NNT: variants seen among roughly 807,000 people sequenced by gnomAD.
NNT encodes the protein NAD(P) transhydrogenase, mitochondrial.
A neutral mutation model predicts 104.8 loss-of-function variants in NNT; 50 were observed. The observed-to-expected ratio is 0.48, with a 90% CI of 0.38 to 0.60. The LOEUF is 0.60. NNT is among the 20% of genes least tolerant of loss of function. NNT has a pLI of 0.00. For synonymous variants in NNT, 461 were observed against 490.4 expected (o/e 0.94, Z 0.79); for missense variants, 1,131 against 1,330.7 (o/e 0.85, Z 2.33).
chr5:43,654,223 G>A (rs1386542608), intron 14 of NNT, among the ~76,000 whole-genome samples: 3 of 152,152 alleles, frequency 2.0e-5, no homozygotes, highest in Non-Finnish European at 4.4e-5. Context: ...ACATCACATT[G>A]GTAGATTGAA....
chr5:43,606,539 A>G (rs1469674717), intron 1 of NNT, among the ~76,000 whole-genome samples: 1 of 152,222 alleles, frequency 6.6e-6, no homozygotes, highest in East Asian at 1.9e-4. Flanking sequence ...AACACTTTGA[A>G]CATGTAAAGC....
At position 43,679,067 on chromosome 5, in the gene NNT, G is replaced by C. The variant is rs1741569777; in HGVS notation, c.2876+1261G>C. On this transcript the variant is annotated intron_variant, in intron 19 of 21. Transcript: ENST00000344920. ...GAATTGAAGGTAGAAGATGAGAAAA[G>C]TCATTGACTTTATTTTTAAATTTTT... 2.0e-5 allele frequency among the ~76,000 whole-genome samples: 3 copies of C among 152,254 alleles called. No homozygotes were observed. The South Asian group carries it at 6.2e-4, about 32-fold the overall frequency.
At chr5:43,645,272 G>T (rs888987524) in intron 9 of NNT, 85 bp from the exon 10 acceptor site, 2 of 707,900 alleles carry the variant, frequency 2.8e-6, no homozygotes, top group Non-Finnish European at 4.1e-6. Context: ...AAAAGAACAG[G>T]GTTTTAAAAA....
rs1198240667 is a variant in NNT, at chr5:43,653,024, T to A, written c.1870T>A (p.Tyr624Asn). 1.9e-6 allele frequency: 3 copies of A among 1,611,456 alleles called. No individual in the cohort carries two copies. Among genetic ancestry groups the A allele is most frequent in the Non-Finnish European group, 2.5e-6 (3 of 1,178,352 alleles). ...YSGYNIEQIM[Y>N]LGSGLCCVGA... ...TCACTTTTCCTTTGAAAAGATCATG[T>A]ACCTAGGCTCGGGTTTGTGCTGTGT... Residue 624 changes from tyrosine to asparagine, a missense_variant, in exon 14 of 22, where the codon TAC becomes AAC. Tyr to Asn is a moderately radical substitution (Grantham distance 143, BLOSUM62 -2). Coordinates refer to ENST00000344920, the MANE Select transcript of NNT (RefSeq NM_182977.3).
rs1245633299 is a variant in NNT at position 43,707,301 on chromosome 5, G to T, written c.*2897G>T. On this transcript the variant is annotated 3_prime_UTR_variant, in exon 22 of 22. Coordinates refer to ENST00000344920, the MANE Select transcript of NNT (RefSeq NM_182977.3). ...ACCACAAAAGTGATAACTAATTGAG[G>T]TAATGCACATATTAATTAGAAAGAT... is the stretch of plus-strand genomic sequence containing the variant. 6.6e-6 allele frequency: 1 copy of T among 151,854 alleles called. No individual in the cohort carries two copies. The highest frequency in any genetic ancestry group is 2.4e-5 in the African/African-American group (1 of 41,332). 9.4% of individuals were successfully genotyped at this position (151,854 alleles called of 1,614,324 possible).
At chr5:43,681,811 C>T (rs1479309875) in intron 19 of NNT, among the ~76,000 whole-genome samples, 1 of 152,144 alleles carries the variant, frequency 6.6e-6, no homozygotes, top group Non-Finnish European at 1.5e-5. Context: ...ACTGAGCATA[C>T]AAGGATGCGT....
At chr5:43,693,000 A>T (rs563360367) in intron 19 of NNT, among the ~76,000 whole-genome samples, 4 of 152,060 alleles carry the variant, frequency 2.6e-5, no homozygotes, top group African/African-American at 4.8e-5. Context: ...TCCTCTTTTT[A>T]AAAAAATTTG....
chr5:43,675,401 G>C, intron 17 of NNT, 110 bp from the exon 18 acceptor site: 1 of 970,930 alleles, frequency 1.0e-6, no homozygotes, highest in Admixed American at 3.3e-5. Flanking sequence ...TGTTTTAAAT[G>C]ATCAAATAAA....
At chr5:43,629,952 A>T (rs1328154351) in intron 7 of NNT, among the ~76,000 whole-genome samples, 2 of 151,924 alleles carry the variant, frequency 1.3e-5, no homozygotes, top group Non-Finnish European at 2.9e-5. Flanking sequence ...TATTTCTTTT[A>T]CTGTGCAAAA....
intron 7 of NNT, among the ~76,000 whole-genome samples, chr5:43,631,523 G>C (rs1022227219): frequency 6.6e-6 from 1 of 152,146 alleles, no homozygotes; most frequent in Non-Finnish European, 1.5e-5. Context: ...CCAGTAGAGG[G>C]TGCTAAAACA....
intron 5 of NNT, among the ~76,000 whole-genome samples, chr5:43,620,965 A>C (rs1750055779): frequency 6.6e-6 from 1 of 152,240 alleles, no homozygotes; most frequent in Non-Finnish European, 1.5e-5. Flanking sequence ...TCAGCCTTTA[A>C]AAGGTGGAAA....
At chr5:43,656,913 A>G (rs1740085420) in intron 16 of NNT, 100 bp downstream of exon 16, 2 of 1,167,382 alleles carry the variant, frequency 1.7e-6, no homozygotes, top group East Asian at 2.4e-5. Flanking sequence ...AAGAACCTTG[A>G]TGGAATAAAA....
Position 43,625,772 on chromosome 5 carries a change from C to G in NNT, c.776+1652C>G, listed in dbSNP as rs566678653. Among the ~76,000 whole-genome samples the G allele has an allele frequency of 5.3e-5, 8 of 152,190 alleles. No individual in the cohort carries two copies. The East Asian group carries it at 1.5e-3, about 29-fold the overall frequency. Reference sequence around the variant, plus strand: ...ATAAAATCCTTGCTTTCTTTCCTATCATAAAATAGTACATGATTATTCTTC... The same window carrying G: ...ATAAAATCCTTGCTTTCTTTCCTATGATAAAATAGTACATGATTATTCTTC... On this transcript the variant is annotated intron_variant, in intron 6 of 21. Coordinates refer to ENST00000344920, the MANE Select transcript of NNT (RefSeq NM_182977.3).
intron 3 of NNT, 57 bp downstream of exon 3, chr5:43,613,194 C>A: frequency 7.3e-7 from 1 of 1,364,662 alleles, no homozygotes; most frequent in South Asian, 1.3e-5. Flanking sequence ...GAAATCTTTT[C>A]ATAGAAAAAT....
chr5:43,666,881 G>A lies in NNT; in HGVS notation c.2634+7531G>A. The A allele has an allele frequency of 1.0e-5, 16 of 1,538,318 alleles. 1 individual carries two copies. The South Asian group carries it at 1.1e-4, about 11-fold the overall frequency. ...TTGGCCTTGGCCTTTGGCCAGCACA[G>A]CCTGGGCCCCTTGGCAATACAGGCA... On this transcript the variant is annotated intron_variant, in intron 17 of 21. Coordinates refer to ENST00000344920, the MANE Select transcript of NNT (RefSeq NM_182977.3).
At chr5:43,652,404 G>T (rs1223419986) in intron 13 of NNT, among the ~76,000 whole-genome samples, 1 of 152,108 alleles carries the variant, frequency 6.6e-6, no homozygotes, top group African/African-American at 2.4e-5. Flanking sequence ...GACTTTGAAA[G>T]TTCCAACTTG....
At chr5:43,634,865 A>T (rs998064842) in intron 7 of NNT, among the ~76,000 whole-genome samples, 1 of 152,158 alleles carries the variant, frequency 6.6e-6, no homozygotes, top group Non-Finnish European at 1.5e-5. Context: ...ACTGGGCCAG[A>T]TTTAACAAAT....
At position 43,702,642 on chromosome 5, in the gene NNT, T is replaced by C. The variant is rs1047240336; in HGVS notation, c.3017T>C (p.Ile1006Thr). The C allele has an allele frequency of 3.7e-6, 6 of 1,610,032 alleles. No individual in the cohort carries two copies. Among genetic ancestry groups the C allele is most frequent in the Admixed American group, 1.7e-5 (1 of 59,582 alleles). The change falls in exon 21 of 22, where the codon ATT becomes ACT. Residue 1006 changes from isoleucine (I) to threonine (T), a missense_variant. By Grantham distance (89) the Ile-to-Thr change is moderately conservative. Coordinates refer to ENST00000344920, the MANE Select transcript of NNT (RefSeq NM_182977.3). ...DFPDTDLVLV[I>T]GANDTVNSAA... ...ATAGATACTGATTTGGTCCTTGTAA[T>C]TGGAGCTAATGACACTGTTAATTCA...
At chr5:43,637,720 A>T (rs939546742) in intron 7 of NNT, among the ~76,000 whole-genome samples, 1 of 152,174 alleles carries the variant, frequency 6.6e-6, no homozygotes, top group African/African-American at 2.4e-5. Flanking sequence ...ACCCTCTTGA[A>T]GAGCAAAAAG....
Sources: allele counts gnomAD v4.1 joint callset (sites outside exome capture counted in the v4.1 genomes callset), GRCh38; gene constraint gnomAD v4.1.1; transcripts MANE v1.5; gene names NCBI Gene and HGNC (gene_info 2026-07-23, HGNC 2026-07-21).